Variants in MBOAT2 observed in about 807,000 individuals in gnomAD.
The protein encoded by MBOAT2 is membrane bound glycerophospholipid O-acyltransferase 2.
A neutral mutation model predicts 63.4 loss-of-function variants in MBOAT2; 28 were observed. The ratio of observed to expected loss-of-function variants is 0.44; its 90% CI spans 0.33 to 0.61. MBOAT2 has a LOEUF of 0.61. Among genes scored for constraint, MBOAT2 ranks in the 20% least tolerant of loss-of-function variants. MBOAT2 has a pLI of 0.03. For synonymous variants in MBOAT2, 211 were observed against 215.6 expected, an observed-to-expected ratio of 0.98 and a Z score of 0.19; for missense variants, 470 against 605.8, an observed-to-expected ratio of 0.78 and a Z score of 2.35.
At chr2:8,912,329 A>AAGAAAGAAAG (rs1573030638) in intron 3 of MBOAT2, among the ~76,000 whole-genome samples, 6 of 100,260 alleles carry the variant, frequency 6.0e-5, no homozygotes, top group East Asian at 5.2e-4. Context: ...GAAAGAAAGA[A>AAGAAAGAAAG]AGAAAGAAAG....
intron 5 of MBOAT2, 89 bp downstream of exon 5, chr2:8,887,929 T>C: frequency 8.4e-7 from 1 of 1,197,412 alleles, no homozygotes; most frequent in South Asian, 1.2e-5. Flanking sequence ...TTCCTTACTC[T>C]AATAGCAGAA....
At chr2:8,961,733 G>A (rs774345636) in intron 1 of MBOAT2, among the ~76,000 whole-genome samples, 7 of 152,054 alleles carry the variant, frequency 4.6e-5, no homozygotes, top group South Asian at 2.1e-4. Context: ...AATATTAATC[G>A]TGTGCTTATG....
chr2:8,978,914 G>C (rs1424716082), intron 1 of MBOAT2, among the ~76,000 whole-genome samples: 1 of 151,848 alleles, frequency 6.6e-6, no homozygotes, highest in African/African-American at 2.4e-5. Flanking sequence ...TAATTCCTAA[G>C]TGTGATGACT....
At chr2:8,922,414 C>T (rs1044370694) in intron 3 of MBOAT2, among the ~76,000 whole-genome samples, 2 of 152,188 alleles carry the variant, frequency 1.3e-5, no homozygotes, top group African/African-American at 4.8e-5. Flanking sequence ...TTAGATAATA[C>T]ATGACAGTAA....
intron 4 of MBOAT2, among the ~76,000 whole-genome samples, chr2:8,892,156 T>C (rs1664050552): frequency 6.6e-6 from 1 of 152,230 alleles, no homozygotes; most frequent in Non-Finnish European, 1.5e-5. Flanking sequence ...ATTACTTTCA[T>C]GATTGTTCCA....
intron 8 of MBOAT2, among the ~76,000 whole-genome samples, chr2:8,871,041 C>T (rs1662282017): frequency 6.6e-6 from 1 of 151,930 alleles, no homozygotes; most frequent in Non-Finnish European, 1.5e-5. Context: ...GTTACCCAGG[C>T]TGGAGTGTAA....
intron 3 of MBOAT2, among the ~76,000 whole-genome samples, chr2:8,936,476 A>G (rs1324655476): frequency 6.6e-6 from 1 of 152,162 alleles, no homozygotes; most frequent in Admixed American, 6.5e-5. Flanking sequence ...ATTTACTTAC[A>G]TCTTTTACAT....
chr2:8,883,905 A>G (rs1483275496), intron 5 of MBOAT2, among the ~76,000 whole-genome samples: 2 of 152,050 alleles, frequency 1.3e-5, no homozygotes, highest in African/African-American at 4.8e-5. Flanking sequence ...CATGCCTCAT[A>G]AGATGATAAA....
chr2:8,962,283 G>C (rs926778201), intron 1 of MBOAT2, among the ~76,000 whole-genome samples: 4 of 152,048 alleles, frequency 2.6e-5, no homozygotes, highest in Non-Finnish European at 5.9e-5. Context: ...CCTGACCACT[G>C]CATTATACTG....
chr2:8,901,262 T>C (rs1664902325), intron 4 of MBOAT2, among the ~76,000 whole-genome samples: 1 of 152,162 alleles, frequency 6.6e-6, no homozygotes, highest in Non-Finnish European at 1.5e-5. Context: ...ATCAGAATAG[T>C]TGAGCTCACC....
chr2:8,863,195 T>C (rs775731873), intron 10 of MBOAT2, among the ~76,000 whole-genome samples: 8 of 152,148 alleles, frequency 5.3e-5, no homozygotes, highest in Non-Finnish European at 8.8e-5. Context: ...CAAATTTAAA[T>C]TATAACAATA....
intron 1 of MBOAT2, among the ~76,000 whole-genome samples, chr2:8,967,917 T>C (rs990885773): frequency 6.6e-6 from 1 of 151,792 alleles, no homozygotes; most frequent in Non-Finnish European, 1.5e-5. Flanking sequence ...TTAAAAGCAA[T>C]AGTAGGCAGT....
intron 1 of MBOAT2, among the ~76,000 whole-genome samples, chr2:8,969,168 A>G (rs1373266407): frequency 2.6e-5 from 4 of 152,282 alleles, no homozygotes; most frequent in African/African-American, 9.6e-5. Flanking sequence ...CTAACAGCGG[A>G]TCTCTCGGCA....
chr2:8,937,696 CAGGA>C (rs796442886), intron 3 of MBOAT2, among the ~76,000 whole-genome samples: 25 of 152,208 alleles, frequency 1.6e-4, no homozygotes, highest in African/African-American at 6.0e-4. Flanking sequence ...AGACATTTTC[CAGGA>C]AGGAAGGAAG....
In MBOAT2 at chr2:8,855,200, G is replaced by C. The variant is rs907513025; in HGVS notation, c.*3479C>G. 6.6e-6 allele frequency: 1 copy of C among 152,228 alleles called. No individual in the cohort carries two copies. The highest frequency in any genetic ancestry group is 1.5e-5 in the Non-Finnish European group (1 of 68,062). 9.4% of individuals were successfully genotyped at this position (152,228 alleles called of 1,614,324 possible). Reference sequence around the variant, plus strand: ...TGACCATGACAATAGTGTGGACTGTGAATGTGCCCAAGTCCTTGAATCCTA... The same window carrying C: ...TGACCATGACAATAGTGTGGACTGTCAATGTGCCCAAGTCCTTGAATCCTA... On this transcript the variant is annotated 3_prime_UTR_variant, in exon 13 of 13. Transcript: ENST00000305997.
chr2:8,886,658 A>G (rs1663574193), intron 5 of MBOAT2, among the ~76,000 whole-genome samples: 2 of 152,222 alleles, frequency 1.3e-5, no homozygotes, highest in African/African-American at 2.4e-5. Context: ...TTCTAAAGAG[A>G]TAATTACCAT....
chr2:8,879,857 A>G (rs1662981058), intron 6 of MBOAT2, among the ~76,000 whole-genome samples: 1 of 152,184 alleles, frequency 6.6e-6, no homozygotes, highest in African/African-American at 2.4e-5. Flanking sequence ...TGTCTTGTAT[A>G]ACATCAGACA....
chr2:8,932,905 TAAC>T (rs1194568507), intron 3 of MBOAT2, among the ~76,000 whole-genome samples: 5 of 152,194 alleles, frequency 3.3e-5, no homozygotes, highest in Non-Finnish European at 5.9e-5. Flanking sequence ...TATACACTCA[TAAC>T]AACACACCAC....
intron 2 of MBOAT2, among the ~76,000 whole-genome samples, chr2:8,949,981 T>A (rs189999038): frequency 8.5e-5 from 13 of 152,350 alleles, no homozygotes; most frequent in African/African-American, 2.9e-4. Flanking sequence ...TGTTGTGTCA[T>A]CTATGATTTC....
Sources: allele counts gnomAD v4.1 joint callset (sites outside exome capture counted in the v4.1 genomes callset), GRCh38; gene constraint gnomAD v4.1.1; transcripts MANE v1.5; gene names NCBI Gene and HGNC (gene_info 2026-07-23, HGNC 2026-07-21).